The following KIF27 variants were observed in gnomAD, a reference collection of about 807,000 sequenced individuals.
KIF27 encodes the protein kinesin family member 27, also known as kinesin-like protein KIF27.
KIF27 carries 84 observed loss-of-function variants against 141.8 expected under a neutral mutation model. The ratio of observed to expected loss-of-function variants is 0.59; its 90% confidence interval spans 0.50 to 0.71. KIF27 has a LOEUF of 0.71. Among genes scored for constraint, KIF27 ranks in the 30% least tolerant of loss-of-function variants. The probability of loss-of-function intolerance (pLI) is 0.00; values close to 1 mark genes in which losing one functional copy is unlikely to be tolerated. For missense variants in KIF27, 1,306 were observed against 1,628.4 expected (o/e 0.80, Z 3.41); for synonymous variants, 471 against 569.5 (o/e 0.83, Z 2.46).
intron 4 of KIF27, among the ~76,000 whole-genome samples, chr9:83,901,404 A>C (rs185679237): frequency 6.6e-6 from 1 of 152,332 alleles, no homozygotes. Flanking sequence ...AATCAGTGAA[A>C]TACTTCTCCC....
At position 83,848,069 on chromosome 9, in the gene KIF27, T is replaced by TCA. The variant is rs1564283013; in HGVS notation, c.3556+2029_3556+2030insTG. 3.4e-3 allele frequency among the ~76,000 whole-genome samples: 22 copies of TCA among 6,498 alleles called. 9 individuals carry two copies. Among genetic ancestry groups the TCA allele is most frequent in the East Asian group, 6.0e-3 (1 of 166 alleles). 4.3% of individuals were successfully genotyped at this position (6,498 alleles called of 152,430 possible). ...TACATATATCTATATATCATATATATGATATATGATATATCATATATATGA... is the reference window on the plus strand; with the variant it reads ...TACATATATCTATATATCATATATATCAGATATATGATATATCATATATATGA... On this transcript the variant is annotated intron_variant, in intron 16 of 17. Transcript: ENST00000297814.
intron 16 of KIF27, among the ~76,000 whole-genome samples, chr9:83,848,305 A>ATATGATATATCATATATGATATT (rs1947998278): frequency 8.7e-6 from 1 of 114,462 alleles, no homozygotes; most frequent in Non-Finnish European, 1.7e-5. Context: ...GATATGATAT[A>ATATGATATATCATATATGATATT]TATGATATAT....
In KIF27 at chr9:83,903,359, C is replaced by G; in HGVS notation, c.1159G>C (p.Gly387Arg). 6.2e-7 allele frequency: 1 copy of G among 1,614,154 alleles called. No homozygotes were observed. The highest frequency in any genetic ancestry group is 8.5e-7 in the Non-Finnish European group (1 of 1,180,038). ...TGAATCCTATTTGTATCAGGACTCC[C>G]TTCTCGATTGATCTGGGTAGTTTGG... is the stretch of plus-strand genomic sequence containing the variant. ...VSQTTQINRE[G>R]SPDTNRIHSL... Residue 387 changes from glycine (G) to arginine (R), a missense_variant, in exon 4 of 18, where the codon GGG becomes CGG. Physicochemically the swap from Gly to Arg is moderately radical, Grantham distance 125 (BLOSUM62 -2). Coordinates refer to ENST00000297814, the MANE Select transcript of KIF27 (RefSeq NM_017576.4).
chr9:83,837,373 TTC>T lies in KIF27; in HGVS notation c.3832_3833del (p.Glu1278AsnfsTer29). 1.9e-6 allele frequency: 3 copies of T among 1,608,984 alleles called. No individual in the cohort carries two copies. The highest frequency in any genetic ancestry group is 2.2e-5 in the South Asian group (2 of 90,682). On this transcript the variant is annotated frameshift_variant, in exon 18 of 18. Coordinates refer to ENST00000297814, the MANE Select transcript of KIF27 (RefSeq NM_017576.4). LOFTEE classifies it low-confidence loss of function (END_TRUNC). Reference protein sequence around the residue: ...ESMKLSGREREMDSSASSLRT... With the variant: ...ESMKLSGRERXMDSSASSLRT... ...TTAAGCTGCTTGCTGAACTGTCCAT[TTC>T]TCTTTCTCTTCCACTTAATTTCATA... is the stretch of plus-strand genomic sequence containing the variant.
At chr9:83,912,761 T>G (rs1390201709) in intron 2 of KIF27, among the ~76,000 whole-genome samples, 1 of 152,114 alleles carries the variant, frequency 6.6e-6, no homozygotes, top group Non-Finnish European at 1.5e-5. Context: ...TATATGGTAT[T>G]TAAAGAGTAC....
intron 2 of KIF27, among the ~76,000 whole-genome samples, chr9:83,913,041 T>C (rs1369435804): frequency 6.6e-6 from 1 of 151,064 alleles, no homozygotes; most frequent in Non-Finnish European, 1.5e-5. Context: ...GATATGTCCC[T>C]GTAGTCCCAG....
At chr9:83,847,976 A>G (rs1947519578) in intron 16 of KIF27, 1 of 145,264 alleles carries the variant, frequency 6.9e-6, no homozygotes, top group Admixed American at 7.1e-5. Context: ...AATCCTGTAT[A>G]TTTTATATAT....
Position 83,850,083 on chromosome 9 carries a change from CA to C in KIF27, c.3556+15del, listed in dbSNP as rs530750845. 3,372 of 1,609,980 alleles carry C rather than the reference CA, an allele frequency of 2.1e-3. 10 individuals carry two copies. Among genetic ancestry groups the C allele is most frequent in the Admixed American group, 3.7e-3 (223 of 60,002 alleles). Reference sequence around the variant, plus strand: ...CTACACATCAACCTTACATAACTGTCAAAAGGGGAAGTTACCTTTGAAATGA... The same window carrying C: ...CTACACATCAACCTTACATAACTGTCAAAGGGGAAGTTACCTTTGAAATGA... On this transcript the variant is annotated intron_variant, in intron 16 of 17. Coordinates refer to ENST00000297814, the MANE Select transcript of KIF27 (RefSeq NM_017576.4).
chr9:83,900,636 T>C (rs906295011), intron 4 of KIF27, among the ~76,000 whole-genome samples: 1 of 151,678 alleles, frequency 6.6e-6, no homozygotes, highest in Non-Finnish European at 1.5e-5. Context: ...TGCACACGCA[T>C]GTTTACAGCA....
At chr9:83,892,682 A>G (rs1478090171) in intron 5 of KIF27, among the ~76,000 whole-genome samples, 3 of 152,176 alleles carry the variant, frequency 2.0e-5, no homozygotes, top group Non-Finnish European at 4.4e-5. Flanking sequence ...CATATCTAAA[A>G]TAGACACAGA....
Position 83,837,364 on chromosome 9 carries a change from A to G in KIF27, c.3843T>C (p.Ser1281=). Residue 1281 remains serine, a synonymous_variant, in exon 18 of 18, where the codon AGT becomes AGC. Coordinates refer to ENST00000297814, the MANE Select transcript of KIF27 (RefSeq NM_017576.4). ...KLSGREREMD[S]SASSLRTQPN... ...GCTGTGTTCTTAAGCTGCTTGCTGA[A>G]CTGTCCATTTCTCTTTCTCTTCCAC... 6.2e-7 allele frequency: 1 copy of G among 1,610,352 alleles called. No individual in the cohort carries two copies.
chr9:83,900,841 C>G (rs1251519818), intron 4 of KIF27, among the ~76,000 whole-genome samples: 1 of 149,962 alleles, frequency 6.7e-6, no homozygotes, highest in African/African-American at 2.5e-5. Flanking sequence ...GTTTCTTATA[C>G]TAATGAGGAA....
intron 16 of KIF27, among the ~76,000 whole-genome samples, chr9:83,846,408 AAAG>A (rs1459372415): frequency 6.6e-6 from 1 of 152,174 alleles, no homozygotes; most frequent in Non-Finnish European, 1.5e-5. Flanking sequence ...CTTTATGGCT[AAAG>A]AAGTGTGGCA....
intron 16 of KIF27, chr9:83,849,256 G>A (rs1948248566): frequency 1.3e-5 from 2 of 152,168 alleles, no homozygotes; most frequent in Admixed American, 1.3e-4. Flanking sequence ...GTGAGATCTT[G>A]CCAGGAAATT....
intron 16 of KIF27, chr9:83,847,616 G>GGGTGTGTCA (rs1364777432): frequency 6.6e-6 from 1 of 152,300 alleles, no homozygotes; most frequent in Non-Finnish European, 1.5e-5. Context: ...TATTGATCCT[G>GGGTGTGTCA]GGTGTGTCTG....
At chr9:83,879,605 T>C (rs1242441708) in intron 11 of KIF27, among the ~76,000 whole-genome samples, 1 of 152,184 alleles carries the variant, frequency 6.6e-6, no homozygotes, top group Non-Finnish European at 1.5e-5. Context: ...AAGTGTCTGT[T>C]ATTATGATCA....
chr9:83,870,456 C>T, intron 12 of KIF27, 63 bp downstream of exon 12: 1 of 1,595,642 alleles, frequency 6.3e-7, no homozygotes. Flanking sequence ...TGTGAGTTTA[C>T]CTCTATTTAG....
intron 10 of KIF27, among the ~76,000 whole-genome samples, chr9:83,882,049 T>C (rs1366949003): frequency 6.6e-6 from 1 of 152,156 alleles, no homozygotes; most frequent in Admixed American, 6.5e-5. Flanking sequence ...ATAATAATAC[T>C]AGTATTTCAA....
At chr9:83,888,815 C>A in intron 7 of KIF27, among the ~76,000 whole-genome samples, 3 of 53,456 alleles carry the variant, frequency 5.6e-5, no homozygotes, top group African/African-American at 8.9e-5. Flanking sequence ...ATAAGGAAAT[C>A]CAAAAAAAAA....
Sources: gnomAD v4.1 joint callset for allele counts (sites outside exome capture counted in the v4.1 genomes callset) on GRCh38, gnomAD v4.1.1 for gene constraint, MANE v1.5 for transcripts, NCBI Gene and HGNC (gene_info 2026-07-23, HGNC 2026-07-21) for gene names.